Variants in KCNMA1 observed in about 807,000 individuals in gnomAD.
KCNMA1 encodes potassium calcium-activated channel subfamily M alpha 1.
In KCNMA1, 29 loss-of-function variants were observed where a neutral mutation model predicts 140.0. That is an observed-to-expected ratio of 0.21 (90% CI 0.15 to 0.28). KCNMA1 has a LOEUF of 0.28. Among genes scored for constraint, KCNMA1 ranks in the 10% least tolerant of loss-of-function variants. The pLI is 1.00. For synonymous variants in KCNMA1, 612 were observed against 611.9 expected (o/e 1.00, Z 0.00); for missense variants, 880 against 1,602.2 (o/e 0.55, Z 7.70).
At chr10:77,474,710 T>C (rs565234129) in intron 1 of KCNMA1, among the ~76,000 whole-genome samples, 1 of 152,198 alleles carries the variant, frequency 6.6e-6, no homozygotes, top group African/African-American at 2.4e-5. Context: ...TCTGTCATTG[T>C]ATATGACTCC....
chr10:77,175,656 A>G (rs142229513), intron 5 of KCNMA1, among the ~76,000 whole-genome samples: 2 of 152,186 alleles, frequency 1.3e-5, no homozygotes, highest in Non-Finnish European at 2.9e-5. Context: ...ATTCCAATGG[A>G]TGAGAATGGG....
intron 1 of KCNMA1, among the ~76,000 whole-genome samples, chr10:77,633,161 A>T (rs2093391681): frequency 6.6e-6 from 1 of 152,144 alleles, no homozygotes; most frequent in Non-Finnish European, 1.5e-5. Context: ...CTTAAAATAC[A>T]AAAATTAGCC....
chr10:77,186,631 C>T (rs193222443), intron 3 of KCNMA1, among the ~76,000 whole-genome samples: 11 of 152,206 alleles, frequency 7.2e-5, no homozygotes, highest in African/African-American at 2.6e-4. Flanking sequence ...GTTTCAAAAA[C>T]AAGACCCAAA....
At chr10:77,018,023 T>C (rs765061956) in intron 17 of KCNMA1, among the ~76,000 whole-genome samples, 1 of 152,316 alleles carries the variant, frequency 6.6e-6, no homozygotes, top group Non-Finnish European at 1.5e-5. Context: ...CCAGTTCCAC[T>C]CTGGGCTCCA....
intron 11 of KCNMA1, among the ~76,000 whole-genome samples, chr10:77,085,375 GT>G (rs2096667842): frequency 6.6e-6 from 1 of 152,178 alleles, no homozygotes; most frequent in South Asian, 2.1e-4. Flanking sequence ...GCCCACAGGG[GT>G]TTATTCCTTA....
At chr10:77,585,060 C>T (rs955563835) in intron 1 of KCNMA1, among the ~76,000 whole-genome samples, 1 of 152,238 alleles carries the variant, frequency 6.6e-6, no homozygotes, top group Non-Finnish European at 1.5e-5. Context: ...CCATTGATCA[C>T]TTAAGAATCT....
Position 77,439,833 on chromosome 10 carries a change from AG to A in KCNMA1, c.379-35811del, listed in dbSNP as rs60493884. Among the ~76,000 whole-genome samples, 591 of 152,304 alleles carry A rather than the reference AG, an allele frequency of 3.9e-3. 4 individuals carry two copies. Among genetic ancestry groups the A allele is most frequent in the African/African-American group, 0.013 (557 of 41,570 alleles). ...ACCTGGGGCCTCTTCGTACACCTCA[AG>A]GGGATACCATGCCCACAGAATGCAA... On this transcript the variant is annotated intron_variant, in intron 1 of 27. Transcript: ENST00000286628.
At position 77,293,893 on chromosome 10, in the gene KCNMA1, C is replaced by T. The variant is rs549011870; in HGVS notation, c.541-42637G>A. Among the ~76,000 whole-genome samples the T allele has an allele frequency of 5.3e-5, 8 of 152,334 alleles. No homozygotes were observed. The East Asian group carries it at 5.8e-4, about 11-fold the overall frequency. Reference sequence around the variant, plus strand: ...CAGAATGCCATTAAGAAATCTCTGCCGGGTTTCTGTACACAGTTTTTCTCT... The same window carrying T: ...CAGAATGCCATTAAGAAATCTCTGCTGGGTTTCTGTACACAGTTTTTCTCT... On this transcript the variant is annotated intron_variant, in intron 2 of 27. Coordinates refer to ENST00000286628, the MANE Select transcript of KCNMA1 (RefSeq NM_001161352.2).
At chr10:77,551,963 T>C (rs2062964756) in intron 1 of KCNMA1, among the ~76,000 whole-genome samples, 1 of 151,976 alleles carries the variant, frequency 6.6e-6, no homozygotes, top group Non-Finnish European at 1.5e-5. Flanking sequence ...GAGGATGAGG[T>C]CAAATGTCAG....
intron 1 of KCNMA1, among the ~76,000 whole-genome samples, chr10:77,478,016 A>G (rs1445402542): frequency 6.6e-6 from 1 of 152,168 alleles, no homozygotes; most frequent in East Asian, 1.9e-4. Flanking sequence ...CAGGTACATG[A>G]TACCCTCTGC....
At chr10:77,561,071 A>G (rs1255741143) in intron 1 of KCNMA1, among the ~76,000 whole-genome samples, 6 of 151,718 alleles carry the variant, frequency 4.0e-5, no homozygotes, top group Non-Finnish European at 8.8e-5. Flanking sequence ...TTTTTTTTCA[A>G]TTAAAAATAG....
chr10:77,090,760 G>T (rs938516300), intron 9 of KCNMA1: 2 of 563,340 alleles, frequency 3.6e-6, no homozygotes, highest in Non-Finnish European at 6.4e-6. Flanking sequence ...CCTATTAAAA[G>T]CCCAACTGTT....
intron 1 of KCNMA1, among the ~76,000 whole-genome samples, chr10:77,501,491 A>AC (rs2043862238): frequency 6.6e-6 from 1 of 152,218 alleles, no homozygotes. Context: ...AGGCAGTGTC[A>AC]TAAACCCCTC....
rs2078028422 is a variant in KCNMA1 at position 76,977,564 on chromosome 10, G to A, written c.2267-7497C>T. 4.3e-6 allele frequency: 3 copies of A among 702,768 alleles called. No individual in the cohort carries two copies. The South Asian group carries it at 4.4e-5, about 10-fold the overall frequency. 43.5% of individuals were successfully genotyped at this position (702,768 alleles called of 1,614,324 possible). ...TGACCTTTGACAGAGAAAGTTTGCTGACCCCTGCAGTAGTTTAATCTTCTC... is the reference window on the plus strand; with the variant it reads ...TGACCTTTGACAGAGAAAGTTTGCTAACCCCTGCAGTAGTTTAATCTTCTC... On this transcript the variant is annotated intron_variant, in intron 19 of 27. Transcript: ENST00000286628.
intron 2 of KCNMA1, among the ~76,000 whole-genome samples, chr10:77,330,045 T>C (rs1313251244): frequency 6.6e-6 from 1 of 152,214 alleles, no homozygotes; most frequent in South Asian, 2.1e-4. Context: ...TAACCACATA[T>C]TGGTTTGCAC....
At chr10:77,628,993 A>C (rs2092874161) in intron 1 of KCNMA1, among the ~76,000 whole-genome samples, 2 of 152,248 alleles carry the variant, frequency 1.3e-5, no homozygotes, top group African/African-American at 4.8e-5. Flanking sequence ...AATCTGGTAG[A>C]GAGGCCAGTG....
intron 1 of KCNMA1, among the ~76,000 whole-genome samples, chr10:77,629,849 G>A (rs912024396): frequency 2.0e-5 from 3 of 152,198 alleles, no homozygotes; most frequent in Non-Finnish European, 4.4e-5. Flanking sequence ...ACTGTGTGCA[G>A]GCCGCCACGA....
At chr10:77,570,845 C>T (rs1386717763) in intron 1 of KCNMA1, among the ~76,000 whole-genome samples, 2 of 151,708 alleles carry the variant, frequency 1.3e-5, no homozygotes, top group Admixed American at 6.6e-5. Context: ...GCAGGAGGAT[C>T]ACTCGAGCCT....
At chr10:77,101,962 T>C (rs1406947525) in intron 9 of KCNMA1, among the ~76,000 whole-genome samples, 2 of 152,142 alleles carry the variant, frequency 1.3e-5, no homozygotes, top group Admixed American at 6.6e-5. Flanking sequence ...CAAGACTCTC[T>C]CAGAACCAAG....
Sources: gnomAD v4.1 joint callset for allele counts (sites outside exome capture counted in the v4.1 genomes callset) on GRCh38, gnomAD v4.1.1 for gene constraint, MANE v1.5 for transcripts, NCBI Gene and HGNC (gene_info 2026-07-23, HGNC 2026-07-21) for gene names.